Variants in RASGRP3 observed in about 807,000 individuals in gnomAD.
RASGRP3 encodes the protein RAS guanyl releasing protein 3, also known as ras guanyl-releasing protein 3.
A neutral mutation model predicts 82.7 loss-of-function variants in RASGRP3; 54 were observed. The observed-to-expected ratio is 0.65, with a 90% CI of 0.52 to 0.82. RASGRP3 has a LOEUF of 0.82. Ranked by LOEUF, RASGRP3 falls within the 40% of genes least tolerant of loss-of-function variation. RASGRP3 has a pLI of 0.00. For missense variants in RASGRP3, 861 were observed against 828.9 expected, an observed-to-expected ratio of 1.04 and a Z score of -0.48; for synonymous variants, 309 against 300.5, an observed-to-expected ratio of 1.03 and a Z score of -0.29.
intron 1 of RASGRP3, among the ~76,000 whole-genome samples, chr2:33,483,316 C>A (rs779622601): frequency 3.5e-4 from 53 of 152,038 alleles, no homozygotes; most frequent in Non-Finnish European, 6.5e-4. Context: ...GTTCTAAGCC[C>A]CTTGGAAAGA....
At position 33,516,828 on chromosome 2, in the gene RASGRP3, C is replaced by G. The variant is rs565819297; in HGVS notation, c.173+184C>G. The G allele has an allele frequency of 1.1e-5, 5 of 453,222 alleles. No individual in the cohort carries two copies. The South Asian group carries it at 1.5e-4, about 14-fold the overall frequency. The allele number at this position is 453,222 out of a possible 1,614,324, so 28.1% of individuals were successfully genotyped here. A position where few individuals can be genotyped will look rare whatever the true frequency, so the allele number is the denominator to read the frequency against. On this transcript the variant is annotated intron_variant, in intron 4 of 17. Transcript: ENST00000403687. ...GATGATAGACCAGATAGTTGACTCT[C>G]CATCTGGATGTTTTGGCTGTACTTG...
At position 33,446,316 on chromosome 2, in the gene RASGRP3, C is replaced by T. The variant is rs533257226; in HGVS notation, c.-384-1504C>T. ...GGACTACAGGCACCCGCCACCACGCCGGGCTAATTTTTTTGTATTTTTAGT... is the reference window on the plus strand; with the variant it reads ...GGACTACAGGCACCCGCCACCACGCTGGGCTAATTTTTTTGTATTTTTAGT... On this transcript the variant is annotated intron_variant, in intron 1 of 18. Coordinates refer to the RASGRP3 transcript ENST00000402538. 2.9e-3 allele frequency among the ~76,000 whole-genome samples: 448 copies of T among 152,220 alleles called. 1 individual carries two copies. Among genetic ancestry groups the T allele is most frequent in the Non-Finnish European group, 5.0e-3 (337 of 68,006 alleles).
At chr2:33,474,366 CA>C (rs1667235002), upstream of RASGRP3, among the ~76,000 whole-genome samples, 1 of 152,190 alleles carries the variant, frequency 6.6e-6, no homozygotes, top group Non-Finnish European at 1.5e-5. Flanking sequence ...GACAGAGTCT[CA>C]CTCTGTTGCC....
chr2:33,501,018 T>C (rs1358509178), intron 1 of RASGRP3, among the ~76,000 whole-genome samples: 2 of 152,208 alleles, frequency 1.3e-5, no homozygotes, highest in Non-Finnish European at 2.9e-5. Flanking sequence ...CACTATCAAA[T>C]TGGACAGCAA....
intron 11 of RASGRP3, among the ~76,000 whole-genome samples, chr2:33,535,669 C>T (rs1673536355): frequency 6.6e-6 from 1 of 152,210 alleles, no homozygotes; most frequent in South Asian, 2.1e-4. Context: ...TCCTGCCAGT[C>T]CCCAGAGGCT....
chr2:33,528,179 CTT>C (rs767056069), intron 10 of RASGRP3, among the ~76,000 whole-genome samples: 3 of 152,314 alleles, frequency 2.0e-5, no homozygotes, highest in South Asian at 2.1e-4. Flanking sequence ...AGGTATCACT[CTT>C]TATTCGATTT....
At chr2:33,515,578 C>T (rs1574395498) in intron 3 of RASGRP3, among the ~76,000 whole-genome samples, 3 of 152,234 alleles carry the variant, frequency 2.0e-5, no homozygotes, top group East Asian at 3.8e-4. Flanking sequence ...CATCCCATAT[C>T]CCATTGTAAT....
intron 1 of RASGRP3, chr2:33,481,266 A>T (rs959401082): frequency 2.6e-5 from 4 of 152,162 alleles, no homozygotes; most frequent in Non-Finnish European, 4.4e-5. Flanking sequence ...GGTTCACACC[A>T]TTCTTCTGCC....
chr2:33,458,384 T>C (rs1666161893), intron 2 of RASGRP3, among the ~76,000 whole-genome samples: 3 of 152,366 alleles, frequency 2.0e-5, no homozygotes, highest in Admixed American at 1.3e-4. Context: ...GCTCAGTTGT[T>C]TGTGTTTTAG....
At chr2:33,504,877 A>G (rs1300514980) in intron 1 of RASGRP3, among the ~76,000 whole-genome samples, 2 of 152,238 alleles carry the variant, frequency 1.3e-5, no homozygotes, top group African/African-American at 4.8e-5. Context: ...TAGTGAGCAC[A>G]TGAGGCTGAG....
At chr2:33,505,613 C>G (rs943603679) in intron 1 of RASGRP3, among the ~76,000 whole-genome samples, 1 of 152,242 alleles carries the variant, frequency 6.6e-6, no homozygotes, top group Non-Finnish European at 1.5e-5. Flanking sequence ...CTTCGGAATA[C>G]AATATTGGTA....
intron 10 of RASGRP3, 45 bp downstream of exon 10, chr2:33,527,457 C>A: frequency 3.2e-6 from 5 of 1,546,050 alleles, no homozygotes; most frequent in Non-Finnish European, 4.4e-6. Context: ...TTCTTCTGCA[C>A]CTTTCTTTCC....
At chr2:33,523,791 A>G in intron 7 of RASGRP3, 88 bp from the exon 8 acceptor site, 2 of 1,278,022 alleles carry the variant, frequency 1.6e-6, no homozygotes, top group Non-Finnish European at 2.2e-6. Context: ...TTACGAAACA[A>G]TATCTCACCT....
At chr2:33,490,219 C>A (rs1057207275) in intron 1 of RASGRP3, among the ~76,000 whole-genome samples, 8 of 152,176 alleles carry the variant, frequency 5.3e-5, no homozygotes, top group Non-Finnish European at 1.0e-4. Flanking sequence ...CATCGGTCTG[C>A]TTCAGTAACT....
chr2:33,497,994 C>G (rs1669482711), intron 1 of RASGRP3, among the ~76,000 whole-genome samples: 1 of 152,064 alleles, frequency 6.6e-6, no homozygotes, highest in Non-Finnish European at 1.5e-5. Flanking sequence ...GCCCTTCTTT[C>G]CTTTCTCCAG....
intron 12 of RASGRP3, among the ~76,000 whole-genome samples, chr2:33,540,543 CTGTGTGTGTGT>C (rs1674154323): frequency 1.7e-5 from 1 of 57,836 alleles, no homozygotes; most frequent in African/African-American, 6.6e-5. Context: ...CTCTCTCTCT[CTGTGTGTGTGT>C]TTTGTGTGTG....
intron 1 of RASGRP3, 52 bp from the exon 2 acceptor site, chr2:33,511,658 G>C (rs1016464520): frequency 6.6e-6 from 1 of 152,542 alleles, no homozygotes; most frequent in African/African-American, 2.4e-5. Flanking sequence ...GGATTCTTTG[G>C]GGTTATCATG....
At chr2:33,525,220 C>A (rs1206629735) in intron 9 of RASGRP3, among the ~76,000 whole-genome samples, 1 of 151,960 alleles carries the variant, frequency 6.6e-6, no homozygotes, top group African/African-American at 2.4e-5. Flanking sequence ...TCCTACCCTA[C>A]CTCCTGAAAT....
intron 1 of RASGRP3, among the ~76,000 whole-genome samples, chr2:33,502,639 A>G (rs1669983636): frequency 6.6e-6 from 1 of 151,622 alleles, no homozygotes; most frequent in African/African-American, 2.4e-5. Context: ...CAGCCTCCCA[A>G]GTAGCTGAGA....
Sources: gnomAD v4.1 joint callset for allele counts (sites outside exome capture counted in the v4.1 genomes callset) on GRCh38, gnomAD v4.1.1 for gene constraint, MANE v1.5 for transcripts, NCBI Gene and HGNC (gene_info 2026-07-23, HGNC 2026-07-21) for gene names.